AKAP8L: variants seen among roughly 807,000 people sequenced by gnomAD.
AKAP8L encodes the protein A-kinase anchor protein 8-like.
A neutral mutation model predicts 77.5 loss-of-function variants in AKAP8L; 34 were observed. The observed-to-expected ratio is 0.44, with a 90% CI of 0.33 to 0.58. AKAP8L has a LOEUF of 0.58. AKAP8L is among the 20% of genes least tolerant of loss of function. AKAP8L has a pLI of 0.02. For missense variants in AKAP8L, 806 were observed against 887.6 expected (o/e 0.91, Z 1.17); for synonymous variants, 342 against 340.7 (o/e 1.00, Z -0.04).
At chr19:15,387,800 A>C (rs1023705410) in intron 12 of AKAP8L, among the ~76,000 whole-genome samples, 3 of 152,166 alleles carry the variant, frequency 2.0e-5, no homozygotes, top group Non-Finnish European at 4.4e-5. Flanking sequence ...CTCTACTAAC[A>C]ATACAAAAAT....
At position 15,398,424 on chromosome 19, in the gene AKAP8L, C is replaced by T. The variant is rs1363435068; in HGVS notation, c.1158-569G>A. 2 of 257,226 alleles carry T rather than the reference C, an allele frequency of 7.8e-6. No homozygotes were observed. The highest frequency in any genetic ancestry group is 4.6e-5 in the African/African-American group (2 of 43,312). 15.9% of individuals were successfully genotyped at this position (257,226 alleles called of 1,614,324 possible). On this transcript the variant is annotated intron_variant, in intron 9 of 13. Coordinates refer to ENST00000397410, the MANE Select transcript of AKAP8L (RefSeq NM_014371.4). This position sits in a 1 kb window ranked among gnomAD's most constrained non-coding sequence, Gnocchi z 9.2. ...TGGGCACCTGCTGCCTCATCTTCCT[C>T]TTCCAAGAAGAGACCAGTCTGAGCT...
At chr19:15,415,903 A>C (rs918066745) in intron 1 of AKAP8L, among the ~76,000 whole-genome samples, 12 of 151,946 alleles carry the variant, frequency 7.9e-5, no homozygotes, top group African/African-American at 2.7e-4. Context: ...AAAACAAAAA[A>C]AAAATCCCAG....
Position 15,397,926 on chromosome 19 carries a change from C to T in AKAP8L, c.1158-71G>A. 1.9e-6 allele frequency: 3 copies of T among 1,556,786 alleles called. No homozygotes were observed. Among genetic ancestry groups the T allele is most frequent in the Non-Finnish European group, 2.6e-6 (3 of 1,148,926 alleles). On this transcript the variant is annotated intron_variant, in intron 9 of 13. Coordinates refer to ENST00000397410, the MANE Select transcript of AKAP8L (RefSeq NM_014371.4). This position sits in a 1 kb window ranked among gnomAD's most constrained non-coding sequence, Gnocchi z 4.7. ...GGGATAGTGCTGCCGCCTCACCCAA[C>T]CCAGACACAAGCCCTGAAACAGGCC...
At chr19:15,411,228 G>C (rs1968099462) in intron 1 of AKAP8L, among the ~76,000 whole-genome samples, 1 of 152,084 alleles carries the variant, frequency 6.6e-6, no homozygotes, top group Admixed American at 6.6e-5. Context: ...TGAGCCACTT[G>C]GAATTCAAAC....
rs983106104 is a variant in AKAP8L at position 15,380,668 on chromosome 19, T to C, written c.1537-56A>G. 5 of 1,567,510 alleles carry C rather than the reference T, an allele frequency of 3.2e-6. No homozygotes were observed. In the African/African-American group the frequency reaches 5.4e-5, roughly 17 times the overall value. ...CTGCTCTGAGTGCCCTACAAGTTGC[T>C]GCCCCGACCCTGCCAGCTTAGAGGG... On this transcript the variant is annotated intron_variant, in intron 12 of 13. Transcript: ENST00000397410.
In AKAP8L at chr19:15,418,962, G is replaced by A. The variant is rs1393038382; in HGVS notation, c.-39C>T. ...ACAACATCCGACGACGCCGGCTTCT[G>A]CTGCTCTGAACATCCGACGCTGCGA... is the stretch of plus-strand genomic sequence containing the variant. On this transcript the variant is annotated 5_prime_UTR_variant, in exon 1 of 14. Transcript: ENST00000397410. 6.2e-7 allele frequency: 1 copy of A among 1,603,848 alleles called. No homozygotes were observed. The highest frequency in any genetic ancestry group is 8.5e-7 in the Non-Finnish European group (1 of 1,179,418).
In AKAP8L at chr19:15,380,177, C is replaced by T; in HGVS notation, c.1886G>A (p.Gly629Asp). 1 of 1,505,952 alleles carries T rather than the reference C, an allele frequency of 6.6e-7. No homozygotes were observed. Among genetic ancestry groups the T allele is most frequent in the South Asian group, 1.2e-5 (1 of 81,308 alleles). The allele number at this position is 1,505,952 out of a possible 1,614,324, so 93.3% of individuals were successfully genotyped here. A position where few individuals can be genotyped will look rare whatever the true frequency, so the allele number is the denominator to read the frequency against. The change falls in exon 14 of 14, where the codon GGC (glycine) becomes GAC (aspartate). Residue 629 changes from glycine to aspartate, a missense_variant. By Grantham distance (94) the Gly-to-Asp change is moderately conservative. Coordinates refer to ENST00000397410, the MANE Select transcript of AKAP8L (RefSeq NM_014371.4). ...GTCCTCCACGTCGAGGCCCGGGATG[C>T]CGCGGATCTGGCGTTGCAGCGCCCC... is the stretch of plus-strand genomic sequence containing the variant. ...LGGALQRQIR[G>D]IPGLDVEDDE...
chr19:15,397,005 C>T lies in AKAP8L; in HGVS notation c.1536+145G>A. 2 of 1,133,038 alleles carry T rather than the reference C, an allele frequency of 1.8e-6. No homozygotes were observed. The highest frequency in any genetic ancestry group is 2.4e-5 in the East Asian group (1 of 42,070). The allele number at this position is 1,133,038 out of a possible 1,614,324, so 70.2% of individuals were successfully genotyped here. A position where few individuals can be genotyped will look rare whatever the true frequency, so the allele number is the denominator to read the frequency against. On this transcript the variant is annotated intron_variant, in intron 12 of 13. Coordinates refer to ENST00000397410, the MANE Select transcript of AKAP8L (RefSeq NM_014371.4). This position sits in a 1 kb window ranked among gnomAD's most constrained non-coding sequence, Gnocchi z 4.7. ...CCTCTCTCTGTAGCTGTGCTGCCTG[C>T]ACTGAGCTGGAAATGTCCATATCCA...
chr19:15,400,454 C>G, intron 7 of AKAP8L, 96 bp from the exon 8 acceptor site: 1 of 1,250,814 alleles, frequency 8.0e-7, no homozygotes, highest in Non-Finnish European at 1.1e-6. Flanking sequence ...AGTAAAACAG[C>G]TGCTTGCTCC....
chr19:15,390,475 A>T (rs1320243583), intron 12 of AKAP8L, among the ~76,000 whole-genome samples: 2 of 151,996 alleles, frequency 1.3e-5, no homozygotes, highest in Non-Finnish European at 2.9e-5. Flanking sequence ...TGGCTTCATA[A>T]GCAAATTCTA....
chr19:15,408,851 G>A (rs1189061717), intron 2 of AKAP8L, among the ~76,000 whole-genome samples: 1 of 148,696 alleles, frequency 6.7e-6, no homozygotes, highest in Admixed American at 6.7e-5. Flanking sequence ...CAGCCTGGGG[G>A]ACAGAGTGAG....
At chr19:15,404,381 AC>A (rs1488444280) in intron 2 of AKAP8L, 2 of 257,272 alleles carry the variant, frequency 7.8e-6, no homozygotes, top group Non-Finnish European at 1.5e-5. Flanking sequence ...ATAGCAGAAA[AC>A]CCAACCCCAG....
At chr19:15,416,028 T>C (rs950002629) in intron 1 of AKAP8L, among the ~76,000 whole-genome samples, 1 of 152,116 alleles carries the variant, frequency 6.6e-6, no homozygotes, top group African/African-American at 2.4e-5. Context: ...GGTCTTGCTA[T>C]GTTGCCCAGG....
intron 12 of AKAP8L, among the ~76,000 whole-genome samples, chr19:15,394,183 GATAA>G (rs1056696149): frequency 3.3e-5 from 5 of 151,490 alleles, no homozygotes; most frequent in Non-Finnish European, 5.9e-5. Context: ...CACCCAAAAA[GATAA>G]ATAAACAAAA....
intron 12 of AKAP8L, among the ~76,000 whole-genome samples, chr19:15,387,355 T>C (rs1403942779): frequency 6.6e-6 from 1 of 152,112 alleles, no homozygotes; most frequent in Admixed American, 6.5e-5. Context: ...CTGACTTCAC[T>C]GGCAAGAGTG....
rs745896831 is a variant in AKAP8L, at chr19:15,410,614, G to T, written c.14-20C>A. The T allele has an allele frequency of 6.4e-7, 1 of 1,569,402 alleles. No individual in the cohort carries two copies. On this transcript the variant is annotated intron_variant, in intron 1 of 13. Transcript: ENST00000397410. ...CAAAGCCTAAACATAAAGACAGTGG[G>T]GTTAATTTCCACAAGCAAGTCACAG... is the stretch of plus-strand genomic sequence containing the variant.
chr19:15,389,167 G>C (rs899040167), intron 12 of AKAP8L, among the ~76,000 whole-genome samples: 3 of 150,172 alleles, frequency 2.0e-5, no homozygotes, highest in Non-Finnish European at 4.4e-5. Context: ...GGAGCTTGCA[G>C]TGTGCAGAGA....
intron 2 of AKAP8L, among the ~76,000 whole-genome samples, chr19:15,408,468 C>T (rs1968042912): frequency 6.7e-6 from 1 of 149,196 alleles, no homozygotes; most frequent in Non-Finnish European, 1.5e-5. Flanking sequence ...GAGGCCAAGG[C>T]ACAAGAATAG....
At position 15,380,227 on chromosome 19, in the gene AKAP8L, C is replaced by T; in HGVS notation, c.1836G>A (p.Glu612=). The change falls in exon 14 of 14, where the codon GAG becomes GAA. Residue 612 remains glutamate (E), a synonymous_variant. Transcript: ENST00000397410. The stretch of plus-strand genomic sequence containing the variant: ...CTCCCAGCAAGGGCACGGCGCCCTC[C>T]TCCTCCTCCTCTGGGGGCGGCGGCG... ...PPPPPPPEEE[E]EGAVPLLGGA... The T allele has an allele frequency of 1.3e-6, 2 of 1,508,650 alleles. No individual in the cohort carries two copies. The highest frequency in any genetic ancestry group is 8.8e-7 in the Non-Finnish European group (1 of 1,137,180). 93.5% of individuals were successfully genotyped at this position (1,508,650 alleles called of 1,614,324 possible). A position where few individuals can be genotyped will look rare whatever the true frequency, so the allele number is the denominator to read the frequency against.
Sources: gnomAD v4.1 joint callset for allele counts (sites outside exome capture counted in the v4.1 genomes callset) on GRCh38, gnomAD v4.1.1 for gene constraint, Gnocchi (gnomAD v3.1) non-coding constraint, MANE v1.5 for transcripts, NCBI Gene and HGNC (gene_info 2026-07-23, HGNC 2026-07-21) for gene names.